The following PXMP4 variants were observed in gnomAD, a reference collection of about 807,000 sequenced individuals.
The protein encoded by PXMP4 is 24 kDa peroxisomal intrinsic membrane protein.
PXMP4 carries 16 observed loss-of-function variants against 21.6 expected under a neutral mutation model. The ratio of observed to expected loss-of-function variants is 0.74; its 90% CI spans 0.50 to 1.13. The LOEUF is 1.13. Among genes scored for constraint, PXMP4 ranks in the 50% most tolerant of loss-of-function variants. The probability of loss-of-function intolerance (pLI) is 0.00; values close to 1 mark genes in which losing one functional copy is unlikely to be tolerated. For synonymous variants in PXMP4, 127 were observed against 123.8 expected (o/e 1.03, Z -0.17); for missense variants, 240 against 277.7 (o/e 0.86, Z 0.96).
At chr20:33,708,565 A>G (rs2122580109) in intron 3 of PXMP4, among the ~76,000 whole-genome samples, 1 of 151,508 alleles carries the variant, frequency 6.6e-6, no homozygotes. Context: ...AACTTTAGAG[A>G]TAGGGTCTTG....
chr20:33,712,492 C>T (rs1340406422), intron 2 of PXMP4, among the ~76,000 whole-genome samples: 1 of 152,076 alleles, frequency 6.6e-6, no homozygotes, highest in Non-Finnish European at 1.5e-5. Context: ...CTCTGTTGCC[C>T]AGGCTGGAGT....
intron 1 of PXMP4, 139 bp downstream of exon 1, chr20:33,719,956 G>A: frequency 1.3e-6 from 1 of 788,732 alleles, no homozygotes; most frequent in Non-Finnish European, 2.0e-6. Flanking sequence ...CCATTGCACA[G>A]ATGGTGACCT....
At chr20:33,711,285 C>T (rs149829888) in intron 2 of PXMP4, among the ~76,000 whole-genome samples, 161 of 152,218 alleles carry the variant, frequency 1.1e-3, no homozygotes, top group African/African-American at 3.7e-3. Flanking sequence ...AATAAATAAT[C>T]ACAAAAAGAA....
chr20:33,714,651 C>G, intron 2 of PXMP4, 23 bp downstream of exon 2: 1 of 1,610,298 alleles, frequency 6.2e-7, no homozygotes, highest in East Asian at 2.2e-5. Context: ...ACCACATTCT[C>G]TCCCAGTTTG....
rs755942260 is a variant in PXMP4 at position 33,720,197 on chromosome 20, G to A, written c.11C>T (p.Pro4Leu). The A allele has an allele frequency of 6.2e-7, 1 of 1,611,030 alleles. No individual in the cohort carries two copies. Among genetic ancestry groups the A allele is most frequent in the Non-Finnish European group, 8.5e-7 (1 of 1,178,970 alleles). MAA[P>L]PQLRALLVVV... The stretch of plus-strand genomic sequence containing the variant: ...TACGAGCAGAGCCCTTAGCTGCGGC[G>A]GGGCTGCCATAGTGCGGGCTGCGCG... Residue 4 changes from proline to leucine, a missense_variant, in exon 1 of 4, where the codon CCG becomes CTG. Transcript: ENST00000409299.
chr20:33,715,735 T>C (rs539259440), intron 1 of PXMP4, among the ~76,000 whole-genome samples: 5 of 149,536 alleles, frequency 3.3e-5, no homozygotes, highest in South Asian at 2.1e-4. Context: ...CCCCATAATT[T>C]TGATGGAAGG....
chr20:33,714,954 A>G (rs79023765), intron 1 of PXMP4, among the ~76,000 whole-genome samples: 4,361 of 152,110 alleles, frequency 0.029, 90 homozygotes, highest in Middle Eastern at 0.051. Context: ...TCCGCACCAT[A>G]AAAAGGGATG....
intron 3 of PXMP4, among the ~76,000 whole-genome samples, chr20:33,708,887 G>A (rs1382146136): frequency 3.3e-5 from 5 of 151,898 alleles, no homozygotes; most frequent in Non-Finnish European, 5.9e-5. Context: ...TGGGATTACC[G>A]GCATGAGCCA....
chr20:33,717,218 A>G (rs1165331892), intron 1 of PXMP4, among the ~76,000 whole-genome samples: 2 of 152,090 alleles, frequency 1.3e-5, no homozygotes, highest in Non-Finnish European at 2.9e-5. Context: ...GGAAGGAAAT[A>G]TGCCACTGTT....
At chr20:33,710,507 T>G in intron 3 of PXMP4, 48 bp downstream of exon 3, 1 of 729,522 alleles carries the variant, frequency 1.4e-6, no homozygotes, top group Non-Finnish European at 2.1e-6. Flanking sequence ...CCCACCTCTG[T>G]GCTGAACCAC....
chr20:33,711,389 G>A (rs2018324437), intron 2 of PXMP4, among the ~76,000 whole-genome samples: 1 of 152,154 alleles, frequency 6.6e-6, no homozygotes, highest in East Asian at 1.9e-4. Context: ...CTCAGCACGT[G>A]CCACGCCCGG....
At chr20:33,714,872 G>T in intron 1 of PXMP4, 136 bp from the exon 2 acceptor site, 1 of 819,758 alleles carries the variant, frequency 1.2e-6, no homozygotes. Flanking sequence ...CATGCTGGAT[G>T]CAAATCCTGG....
At chr20:33,716,683 C>T (rs1275031540) in intron 1 of PXMP4, among the ~76,000 whole-genome samples, 1 of 152,206 alleles carries the variant, frequency 6.6e-6, no homozygotes, top group Admixed American at 6.6e-5. Context: ...TAGTACCCCA[C>T]ATGGTACCTG....
In PXMP4 at chr20:33,705,839, G is replaced by C. The variant is rs2084607515; in HGVS notation, c.*1867C>G. On this transcript the variant is annotated 3_prime_UTR_variant, in exon 4 of 4. Coordinates refer to ENST00000409299, the MANE Select transcript of PXMP4 (RefSeq NM_007238.5). Reference sequence around the variant, plus strand: ...ATGGGCTTTGAAATCAGACGAATCTGAGTTCAAATCTTGATTCGGCTGTTA... The same window carrying C: ...ATGGGCTTTGAAATCAGACGAATCTCAGTTCAAATCTTGATTCGGCTGTTA... The C allele has an allele frequency of 6.6e-6, 1 of 152,182 alleles. No individual in the cohort carries two copies. Among genetic ancestry groups the C allele is most frequent in the South Asian group, 2.1e-4 (1 of 4,830 alleles). The allele number at this position is 152,182 out of a possible 1,614,324, so 9.4% of individuals were successfully genotyped here. A position where few individuals can be genotyped will look rare whatever the true frequency, so the allele number is the denominator to read the frequency against.
chr20:33,720,053 G>C, intron 1 of PXMP4, 42 bp downstream of exon 1: 5 of 1,586,542 alleles, frequency 3.2e-6, no homozygotes, highest in Non-Finnish European at 4.3e-6. Context: ...ACCCCAGGCA[G>C]GACATCCCTC....
At chr20:33,719,038 G>C (rs2018417797) in intron 1 of PXMP4, among the ~76,000 whole-genome samples, 1 of 152,172 alleles carries the variant, frequency 6.6e-6, no homozygotes, top group South Asian at 2.1e-4. Context: ...CGGGACTACA[G>C]GCATGTGACA....
In PXMP4 at chr20:33,710,738, C is replaced by T; in HGVS notation, c.192G>A (p.Leu64=). 6.2e-7 allele frequency: 1 copy of T among 1,609,046 alleles called. No individual in the cohort carries two copies. ...TATATGTGGCCTGCAGTATGGCCCA[C>T]AGCTTCTCCTGGAGGCTGCACAAAC... The part of the protein sequence containing the change: ...LFRNGSLQEK[L]WAILQATYIH... The change falls in exon 3 of 4, where the codon CTG becomes CTA. Residue 64 remains leucine (L), a synonymous_variant. Transcript: ENST00000409299.
intron 3 of PXMP4, among the ~76,000 whole-genome samples, chr20:33,708,554 A>C (rs1601202723): frequency 6.6e-6 from 1 of 152,062 alleles, no homozygotes; most frequent in African/African-American, 2.4e-5. Context: ...AAAAAAAAAA[A>C]AACTTTAGAG....
chr20:33,720,279 C>A lies in PXMP4; in HGVS notation c.-72G>T. On this transcript the variant is annotated 5_prime_UTR_variant, in exon 1 of 4. Transcript: ENST00000409299. ...GACAGCCGGAGGTTCCAGCTGCGCG[C>A]CCACAGCCCCTCGGTAGCGCCGCCG... 1 of 1,358,618 alleles carries A rather than the reference C, an allele frequency of 7.4e-7. No homozygotes were observed. 84.2% of individuals were successfully genotyped at this position (1,358,618 alleles called of 1,614,324 possible).
Sources: gnomAD v4.1 joint callset for allele counts (sites outside exome capture counted in the v4.1 genomes callset) on GRCh38, gnomAD v4.1.1 for gene constraint, MANE v1.5 for transcripts, NCBI Gene and HGNC (gene_info 2026-07-23, HGNC 2026-07-21) for gene names.